Variants in SCMH1 observed in about 807,000 individuals in gnomAD.
SCMH1 encodes the protein polycomb protein SCMH1.
SCMH1 carries 37 observed loss-of-function variants against 70.8 expected under a neutral mutation model. The ratio of observed to expected loss-of-function variants is 0.52; its 90% CI spans 0.40 to 0.69. The LOEUF (loss-of-function observed/expected upper bound fraction) is 0.69, where lower values mean the gene tolerates loss of function less well. SCMH1 is among the 30% of genes least tolerant of loss of function. The pLI, the probability that SCMH1 is intolerant of heterozygous loss-of-function variation, is 0.00. For synonymous variants in SCMH1, 292 were observed against 307.4 expected, an observed-to-expected ratio of 0.95 and a Z score of 0.52; for missense variants, 607 against 827.3, an observed-to-expected ratio of 0.73 and a Z score of 3.27.
Position 41,235,968 on chromosome 1 carries a change from T to C in SCMH1, c.-118+6091A>G, listed in dbSNP as rs189056903. On this transcript the variant is annotated intron_variant, in intron 1 of 14. Transcript: ENST00000337495. ...TGTATGGAATTCTATTAAGTAAATA[T>C]ACCACAATATTTTCATTCTTTTACT... is the stretch of plus-strand genomic sequence containing the variant. Among the ~76,000 whole-genome samples the C allele has an allele frequency of 2.0e-4, 31 of 152,344 alleles. No individual in the cohort carries two copies. The East Asian group carries it at 5.4e-3, about 27-fold the overall frequency.
chr1:41,215,119 C>T (rs1211531711), intron 1 of SCMH1, among the ~76,000 whole-genome samples: 1 of 152,098 alleles, frequency 6.6e-6, no homozygotes, highest in Non-Finnish European at 1.5e-5. Context: ...GCTTCAGAGA[C>T]AGTTAAGTGT....
intron 4 of SCMH1, among the ~76,000 whole-genome samples, chr1:41,152,331 T>C (rs1170052499): frequency 5.3e-5 from 8 of 152,166 alleles, no homozygotes. Context: ...TAGAGCAAAG[T>C]AGGACCTGGG....
At position 41,187,631 on chromosome 1, in the gene SCMH1, G is replaced by A. The variant is rs557826027; in HGVS notation, c.-117-1381C>T. Reference sequence around the variant, plus strand: ...CTTTGAAAGTGCTTAATGGCTGGGTGTGGTGGCTCACACCTGTAAAGAGGT... The same window carrying A: ...CTTTGAAAGTGCTTAATGGCTGGGTATGGTGGCTCACACCTGTAAAGAGGT... On this transcript the variant is annotated intron_variant, in intron 1 of 14. Transcript: ENST00000337495. Among the ~76,000 whole-genome samples the A allele has an allele frequency of 9.4e-4, 143 of 152,074 alleles. 1 individual carries two copies. The highest frequency in any genetic ancestry group is 3.4e-3 in the African/African-American group (139 of 41,474).
intron 8 of SCMH1, among the ~76,000 whole-genome samples, chr1:41,078,388 T>A (rs1402653347): frequency 6.6e-6 from 1 of 152,016 alleles, no homozygotes; most frequent in Non-Finnish European, 1.5e-5. Context: ...ACCCACAGAT[T>A]CAGGATGCTT....
chr1:41,168,999 C>G (rs567872745), intron 2 of SCMH1, among the ~76,000 whole-genome samples: 1 of 152,296 alleles, frequency 6.6e-6, no homozygotes, highest in Non-Finnish European at 1.5e-5. Context: ...GTCCCACTCT[C>G]TGTCTGCTCT....
intron 8 of SCMH1, among the ~76,000 whole-genome samples, chr1:41,112,638 TA>T (rs1669532734): frequency 6.6e-6 from 1 of 152,188 alleles, no homozygotes; most frequent in Non-Finnish European, 1.5e-5. Context: ...AGTAATACAA[TA>T]AAAATTTGTT....
chr1:41,100,442 C>T (rs551835428), intron 8 of SCMH1, among the ~76,000 whole-genome samples: 5 of 152,094 alleles, frequency 3.3e-5, no homozygotes, highest in Admixed American at 1.3e-4. Context: ...GTTCAACTTG[C>T]GCTGAGACTA....
At chr1:41,143,106 T>G in exon 6 of SCMH1, 3 of 1,613,866 alleles carry the variant, frequency 1.9e-6, no homozygotes, top group Non-Finnish European at 2.5e-6. Flanking sequence ...CTTGGAGGTG[T>G]GTAGGACTGG....
chr1:41,223,845 C>G (rs570256444), intron 1 of SCMH1, among the ~76,000 whole-genome samples: 3 of 152,142 alleles, frequency 2.0e-5, no homozygotes, highest in Non-Finnish European at 2.9e-5. Context: ...GCAAGGCTAT[C>G]AAAGTGGTTT....
At chr1:41,170,471 A>G (rs536435586) in intron 2 of SCMH1, among the ~76,000 whole-genome samples, 1 of 152,310 alleles carries the variant, frequency 6.6e-6, no homozygotes, top group East Asian at 1.9e-4. Context: ...GAACTGATCC[A>G]TGAATAGATA....
rs201661314 is a variant in SCMH1, at chr1:41,070,221, T to TA, written c.1105+373dup. 3.2e-3 allele frequency among the ~76,000 whole-genome samples: 475 copies of TA among 146,856 alleles called. 1 individual carries two copies. Among genetic ancestry groups the TA allele is most frequent in the South Asian group, 7.9e-3 (37 of 4,686 alleles). On this transcript the variant is annotated intron_variant, in intron 10 of 14. Transcript: ENST00000337495. ...AAAGTTTGTCACCATCAATGATTGT[T>TA]AAAAAAAAAAAATCAGAGAAATTTC... is the stretch of plus-strand genomic sequence containing the variant.
intron 12 of SCMH1, among the ~76,000 whole-genome samples, chr1:41,042,950 A>T (rs559772491): frequency 9.8e-5 from 15 of 152,362 alleles, no homozygotes; most frequent in Admixed American, 8.5e-4. Flanking sequence ...GATAAAGGAA[A>T]CTAAAGAGAC....
intron 6 of SCMH1, among the ~76,000 whole-genome samples, chr1:41,134,497 T>A (rs896142710): frequency 6.6e-6 from 1 of 152,146 alleles, no homozygotes; most frequent in Non-Finnish European, 1.5e-5. Flanking sequence ...TCAAATTGTC[T>A]CTGTTCACAG....
rs149264895 is a variant in SCMH1 at position 41,235,384 on chromosome 1, A to G, written c.-118+6675T>C. Among the ~76,000 whole-genome samples the G allele has an allele frequency of 1.9e-3, 283 of 152,076 alleles. 1 individual carries two copies. The highest frequency in any genetic ancestry group is 6.7e-3 in the African/African-American group (277 of 41,500). On this transcript the variant is annotated intron_variant, in intron 1 of 14. Coordinates refer to ENST00000337495, the Ensembl canonical transcript of SCMH1. The stretch of plus-strand genomic sequence containing the variant: ...TCAGGAGTTTGAAACCAGCCTGACC[A>G]ACATGGTGAAACCCCGTCTCTACTA...
chr1:41,156,366 T>C lies in SCMH1; in HGVS notation c.106+4509A>G, dbSNP rs932115814. Reference sequence around the variant, plus strand: ...TTCCACTCCACTATTACCGTATAAATAGTGTTCCATGTACCAAAATTTAAA... The same window carrying C: ...TTCCACTCCACTATTACCGTATAAACAGTGTTCCATGTACCAAAATTTAAA... On this transcript the variant is annotated intron_variant, in intron 4 of 14. Coordinates refer to ENST00000337495, the Ensembl canonical transcript of SCMH1. Among the ~76,000 whole-genome samples the C allele has an allele frequency of 4.6e-5, 7 of 152,204 alleles. No individual in the cohort carries two copies. In the South Asian group the frequency reaches 6.2e-4, roughly 14 times the overall value.
chr1:41,229,599 G>A (rs2148893820), intron 1 of SCMH1, among the ~76,000 whole-genome samples: 1 of 152,136 alleles, frequency 6.6e-6, no homozygotes, highest in East Asian at 1.9e-4. Flanking sequence ...GGAGGGTAGA[G>A]GGCTGGGGGA....
At chr1:41,197,483 A>G (rs1275238335) in intron 1 of SCMH1, among the ~76,000 whole-genome samples, 1 of 152,184 alleles carries the variant, frequency 6.6e-6, no homozygotes, top group Non-Finnish European at 1.5e-5. Context: ...GGACGAACCT[A>G]TAATAGGTAA....
rs745979880 is a variant in SCMH1 at position 41,149,767 on chromosome 1, A to C, written c.177+1847T>G. Among the ~76,000 whole-genome samples the C allele has an allele frequency of 1.0e-3, 159 of 152,216 alleles. 4 individuals are homozygous for C. The highest frequency in any genetic ancestry group is 5.0e-4 in the Non-Finnish European group (34 of 68,040). ...TCCTGAGTATCATACCCAGTGCCCA[A>C]TCAATTATGAGATGTTCTAGTCTAG... On this transcript the variant is annotated intron_variant, in intron 5 of 14. Coordinates refer to ENST00000337495, the Ensembl canonical transcript of SCMH1.
intron 11 of SCMH1, 60 bp from the exon 12 acceptor site, chr1:41,046,658 C>T: frequency 1.5e-6 from 2 of 1,338,156 alleles, no homozygotes; most frequent in Non-Finnish European, 2.1e-6. Flanking sequence ...CAGCGCTAGG[C>T]AGGACGAGTC....
Sources: allele counts gnomAD v4.1 joint callset (sites outside exome capture counted in the v4.1 genomes callset), GRCh38; gene constraint gnomAD v4.1.1; transcripts MANE v1.5; gene names NCBI Gene and HGNC (gene_info 2026-07-23, HGNC 2026-07-21).